ROBO1: variants seen among roughly 807,000 people sequenced by gnomAD.
The protein encoded by ROBO1 is roundabout homolog 1.
Under a neutral mutation model 195.9 loss-of-function variants are expected in ROBO1, and 149 were observed. The observed-to-expected ratio is 0.76, with a 90% CI of 0.67 to 0.87. The LOEUF is 0.87. Ranked by LOEUF, ROBO1 falls within the 40% of genes least tolerant of loss-of-function variation. The pLI, the probability that ROBO1 is intolerant of heterozygous loss-of-function variation, is 0.00. For missense variants in ROBO1, 1,933 were observed against 2,068.3 expected (o/e 0.93, Z 1.27); for synonymous variants, 816 against 733.2 (o/e 1.11, Z -1.82).
intron 3 of ROBO1, among the ~76,000 whole-genome samples, chr3:78,972,510 A>G (rs775292353): frequency 7.9e-5 from 12 of 152,356 alleles, no homozygotes; most frequent in Non-Finnish European, 1.5e-4. Context: ...GGCTGTACTA[A>G]CTAGAGTTGT....
At position 78,994,925 on chromosome 3, in the gene ROBO1, G is replaced by A. The variant is rs570802928; in HGVS notation, c.173-55998C>T. 3.2e-4 allele frequency among the ~76,000 whole-genome samples: 48 copies of A among 152,180 alleles called. 1 individual carries two copies. Among genetic ancestry groups the A allele is most frequent in the South Asian group, 2.1e-4 (1 of 4,822 alleles). On this transcript the variant is annotated intron_variant, in intron 3 of 30. Coordinates refer to ENST00000464233, the MANE Select transcript of ROBO1 (RefSeq NM_002941.4). ...GCTAGAAGGGGCAAGAATTCACATC[G>A]TGTGTTTATACATACCTCACAGACA...
chr3:79,652,687 T>C (rs374100854), intron 1 of ROBO1, among the ~76,000 whole-genome samples: 2 of 152,054 alleles, frequency 1.3e-5, no homozygotes, highest in East Asian at 3.9e-4. Flanking sequence ...ATATTAATAG[T>C]AGTGGTGGTG....
At chr3:79,149,486 A>G (rs1274004907) in intron 2 of ROBO1, among the ~76,000 whole-genome samples, 2 of 151,426 alleles carry the variant, frequency 1.3e-5, no homozygotes, top group African/African-American at 4.8e-5. Flanking sequence ...TCTGGTTCTG[A>G]CGCTTATTCA....
At chr3:79,300,468 C>T (rs963833433) in intron 2 of ROBO1, among the ~76,000 whole-genome samples, 4 of 152,204 alleles carry the variant, frequency 2.6e-5, no homozygotes, top group African/African-American at 7.2e-5. Context: ...GGGCAGGGCT[C>T]GGGACCTGCA....
chr3:79,566,516 T>TAA (rs1290487855), intron 2 of ROBO1, among the ~76,000 whole-genome samples: 2 of 152,070 alleles, frequency 1.3e-5, no homozygotes, highest in African/African-American at 4.8e-5. Context: ...AACTATCACT[T>TAA]AAAAAAGTCT....
intron 3 of ROBO1, among the ~76,000 whole-genome samples, chr3:79,072,149 TTTAA>T (rs1250697351): frequency 1.3e-5 from 2 of 151,930 alleles, no homozygotes; most frequent in Non-Finnish European, 2.9e-5. Context: ...ATACTCAGTC[TTTAA>T]TTATTCCTTG....
At chr3:78,780,081 A>T (rs1226821151) in intron 4 of ROBO1, among the ~76,000 whole-genome samples, 3 of 152,078 alleles carry the variant, frequency 2.0e-5, no homozygotes, top group Non-Finnish European at 4.4e-5. Flanking sequence ...CAGGGAGAGG[A>T]ACATCACACA....
chr3:79,545,075 C>A (rs1253933482), intron 2 of ROBO1, among the ~76,000 whole-genome samples: 1 of 151,190 alleles, frequency 6.6e-6, no homozygotes, highest in East Asian at 1.9e-4. Context: ...AAATAGTATC[C>A]CTGTAAAAAA....
At chr3:79,282,142 T>C (rs755482477) in intron 2 of ROBO1, among the ~76,000 whole-genome samples, 3 of 152,074 alleles carry the variant, frequency 2.0e-5, no homozygotes, top group Non-Finnish European at 4.4e-5. Context: ...AATTAAGATG[T>C]GCTATGTAAA....
At chr3:79,609,323 A>T (rs1317250760) in intron 1 of ROBO1, among the ~76,000 whole-genome samples, 1 of 151,982 alleles carries the variant, frequency 6.6e-6, no homozygotes, top group Admixed American at 6.6e-5. Context: ...CACTCCTATT[A>T]GGATGGCAAT....
At position 79,140,091 on chromosome 3, in the gene ROBO1, G is replaced by A. The variant is rs115859292; in HGVS notation, c.89-14552C>T. Among the ~76,000 whole-genome samples, 539 of 152,198 alleles carry A rather than the reference G, an allele frequency of 3.5e-3. 5 individuals are homozygous for A. The highest frequency in any genetic ancestry group is 0.012 in the African/African-American group (504 of 41,542). On this transcript the variant is annotated intron_variant, in intron 2 of 30. Coordinates refer to ENST00000464233, the MANE Select transcript of ROBO1 (RefSeq NM_002941.4). ...ATGTAGCTACCTGGGTTTGAGGTAC[G>A]ATGATCACATCTGAGATCTTAAGTA... is the stretch of plus-strand genomic sequence containing the variant.
chr3:79,664,564 A>T (rs1946421624), intron 1 of ROBO1, among the ~76,000 whole-genome samples: 1 of 151,880 alleles, frequency 6.6e-6, no homozygotes, highest in South Asian at 2.1e-4. Flanking sequence ...GCTTCAATTT[A>T]TTTTTTCATA....
At chr3:79,701,663 C>T (rs1222909727) in intron 1 of ROBO1, among the ~76,000 whole-genome samples, 1 of 151,630 alleles carries the variant, frequency 6.6e-6, no homozygotes, top group Non-Finnish European at 1.5e-5. Flanking sequence ...CTGCACTGCC[C>T]CATATGATAG....
At chr3:79,029,614 G>T (rs1009550095) in intron 3 of ROBO1, among the ~76,000 whole-genome samples, 1 of 152,132 alleles carries the variant, frequency 6.6e-6, no homozygotes, top group Non-Finnish European at 1.5e-5. Context: ...ATATTTCCTA[G>T]AATATCATTA....
chr3:78,676,235 G>A (rs1167412023), intron 10 of ROBO1, among the ~76,000 whole-genome samples: 2 of 152,150 alleles, frequency 1.3e-5, no homozygotes, highest in East Asian at 1.9e-4. Flanking sequence ...AAAAAACAGA[G>A]CAGAAAAACT....
At chr3:79,694,327 A>G (rs1040785516) in intron 1 of ROBO1, among the ~76,000 whole-genome samples, 16 of 151,812 alleles carry the variant, frequency 1.1e-4, no homozygotes, top group Non-Finnish European at 1.5e-5. Flanking sequence ...CTATTTACTT[A>G]TCTCTTTTAG....
At chr3:79,056,430 C>T (rs1447582265) in intron 3 of ROBO1, among the ~76,000 whole-genome samples, 1 of 152,090 alleles carries the variant, frequency 6.6e-6, no homozygotes, top group African/African-American at 2.4e-5. Context: ...CTGGATTACA[C>T]ATCGCTCAGG....
intron 2 of ROBO1, among the ~76,000 whole-genome samples, chr3:79,426,035 G>A (rs550897785): frequency 3.3e-5 from 5 of 152,190 alleles, no homozygotes; most frequent in Admixed American, 2.6e-4. Context: ...CTACCTGCTT[G>A]CATTTTTTTA....
chr3:78,745,306 CA>C (rs11360584), intron 5 of ROBO1, among the ~76,000 whole-genome samples: 3,942 of 71,142 alleles, frequency 0.055, 110 homozygotes, highest in African/African-American at 0.13. Flanking sequence ...GACTCCATTT[CA>C]AAAAAAAAAA....
Sources: gnomAD v4.1 joint callset for allele counts (sites outside exome capture counted in the v4.1 genomes callset) on GRCh38, gnomAD v4.1.1 for gene constraint, MANE v1.5 for transcripts, NCBI Gene and HGNC (gene_info 2026-07-23, HGNC 2026-07-21) for gene names.